The following MUC13 variants were observed in gnomAD, a reference collection of about 807,000 sequenced individuals.
MUC13 encodes the protein mucin-13.
In MUC13, 32 loss-of-function variants were observed where a neutral mutation model predicts 48.3. That is an observed-to-expected ratio of 0.66 (90% CI 0.50 to 0.89). MUC13 has a LOEUF of 0.89. Ranked by LOEUF, MUC13 falls within the 40% of genes least tolerant of loss-of-function variation. The probability of loss-of-function intolerance (pLI) is 0.00; values close to 1 mark genes in which losing one functional copy is unlikely to be tolerated. For missense variants in MUC13, 571 were observed against 622.8 expected (o/e 0.92, Z 0.88); for synonymous variants, 199 against 224.9 (o/e 0.88, Z 1.03).
chr3:124,929,022 T>C (rs758702819), intron 1 of MUC13, among the ~76,000 whole-genome samples: 3 of 152,196 alleles, frequency 2.0e-5, no homozygotes, highest in South Asian at 4.1e-4. Flanking sequence ...CAATTCTAGA[T>C]ACATTGACTA....
intron 6 of MUC13, among the ~76,000 whole-genome samples, chr3:124,914,844 T>C (rs184729335): frequency 7.3e-4 from 111 of 152,300 alleles, no homozygotes; most frequent in African/African-American, 2.3e-3. Flanking sequence ...GAGAATCGCT[T>C]GAACCCGGGA....
chr3:124,916,222 C>G, intron 6 of MUC13, 95 bp downstream of exon 6: 1 of 886,950 alleles, frequency 1.1e-6, no homozygotes, highest in East Asian at 2.5e-5. Context: ...TTCAATGATG[C>G]AGTTCTTGTC....
chr3:124,907,358 G>A (rs1053917818), intron 11 of MUC13, among the ~76,000 whole-genome samples: 3 of 152,160 alleles, frequency 2.0e-5, no homozygotes, highest in African/African-American at 4.8e-5. Context: ...GCTCATGCCT[G>A]TAATCCCAGC....
chr3:124,909,080 G>A (rs1407425384), intron 10 of MUC13, among the ~76,000 whole-genome samples: 2 of 152,094 alleles, frequency 1.3e-5, no homozygotes, highest in African/African-American at 2.4e-5. Flanking sequence ...CTTGAACCTG[G>A]GAGGTGGAGG....
chr3:124,917,364 T>TA (rs1387124028), intron 5 of MUC13, among the ~76,000 whole-genome samples: 6 of 151,756 alleles, frequency 4.0e-5, no homozygotes, highest in Admixed American at 3.9e-4. Flanking sequence ...TTTTTTTTTT[T>TA]TGAGACAGGG....
At chr3:124,916,624 G>A in intron 5 of MUC13, 144 bp from the exon 6 acceptor site, 1 of 803,432 alleles carries the variant, frequency 1.2e-6, no homozygotes, top group South Asian at 1.6e-5. Flanking sequence ...ATGGAGGCCG[G>A]GGGCTGCAAA....
At chr3:124,929,170 CTTTTA>C (rs1336749011) in intron 1 of MUC13, among the ~76,000 whole-genome samples, 6 of 134,496 alleles carry the variant, frequency 4.5e-5, no homozygotes, top group East Asian at 2.1e-4. Context: ...TTCCCCCACT[CTTTTA>C]TTTTATTTTT....
At chr3:124,910,243 G>T (rs528109903) in intron 10 of MUC13, among the ~76,000 whole-genome samples, 172 bp downstream of exon 10, 105 of 152,224 alleles carry the variant, frequency 6.9e-4, no homozygotes, top group African/African-American at 2.3e-3. Flanking sequence ...CGCAGGAAAA[G>T]GCCACTTCTG....
intron 10 of MUC13, among the ~76,000 whole-genome samples, chr3:124,910,169 C>G (rs543704730): frequency 1.6e-4 from 24 of 152,270 alleles, no homozygotes; most frequent in Non-Finnish European, 3.1e-4. Context: ...TATCTCCCTT[C>G]TCTTGCCCAG....
At chr3:124,923,195 T>C (rs1205395496) in intron 3 of MUC13, among the ~76,000 whole-genome samples, 1 of 152,052 alleles carries the variant, frequency 6.6e-6, no homozygotes, top group African/African-American at 2.4e-5. Flanking sequence ...CACAAGTGTA[T>C]AAATGTACTC....
intron 9 of MUC13, among the ~76,000 whole-genome samples, chr3:124,911,694 G>A (rs543763159): frequency 2.6e-5 from 4 of 152,286 alleles, no homozygotes; most frequent in East Asian, 3.9e-4. Context: ...GAGACAAAAG[G>A]ATTTGAGTAT....
intron 1 of MUC13, among the ~76,000 whole-genome samples, chr3:124,931,692 G>A (rs1174822912): frequency 2.0e-5 from 3 of 151,172 alleles, no homozygotes; most frequent in African/African-American, 7.3e-5. Flanking sequence ...AGGTTGCAGT[G>A]AGCTGAGATA....
rs1371800348 is a variant in MUC13, at chr3:124,906,460, A to G, written c.*283T>C. 6.6e-6 allele frequency: 1 copy of G among 152,168 alleles called. No individual in the cohort carries two copies. Among genetic ancestry groups the G allele is most frequent in the Non-Finnish European group, 1.5e-5 (1 of 68,020 alleles). The allele number at this position is 152,168 out of a possible 1,614,324, so 9.4% of individuals were successfully genotyped here. ...AAGAATTAAGAAAACAACCCTAACC[A>G]TTGTCTCAGTACTTTGTACTGATTG... On this transcript the variant is annotated 3_prime_UTR_variant, in exon 12 of 12. Coordinates refer to ENST00000616727, the MANE Select transcript of MUC13 (RefSeq NM_033049.4).
Position 124,912,179 on chromosome 3 carries a change from G to A in MUC13, c.1215-38C>T. 4 of 1,607,318 alleles carry A rather than the reference G, an allele frequency of 2.5e-6. No homozygotes were observed. In the South Asian group the frequency reaches 3.3e-5, roughly 13 times the overall value. ...GAGCAATAGGAAACAGTGTTAAAGAGCCCCTGTGGGGAGCATGTCAGAGTT... is the reference window on the plus strand; with the variant it reads ...GAGCAATAGGAAACAGTGTTAAAGAACCCCTGTGGGGAGCATGTCAGAGTT... On this transcript the variant is annotated intron_variant, in intron 8 of 11. Coordinates refer to ENST00000616727, the MANE Select transcript of MUC13 (RefSeq NM_033049.4).
rs776206683 is a variant in MUC13, at chr3:124,910,536, A to G, written c.1253-37T>C. 4 of 1,612,246 alleles carry G rather than the reference A, an allele frequency of 2.5e-6. No individual in the cohort carries two copies. The African/African-American group carries it at 4.0e-5, about 16-fold the overall frequency. ...AAGAAAATAAGAACAGTCTCCAACA[A>G]GCTGGCCCCCAACTGTCTACTGCAC... On this transcript the variant is annotated intron_variant, in intron 9 of 11. Transcript: ENST00000616727.
chr3:124,912,610 T>C (rs1463660394), intron 8 of MUC13, among the ~76,000 whole-genome samples: 1 of 152,214 alleles, frequency 6.6e-6, no homozygotes, highest in African/African-American at 2.4e-5. Context: ...AGGTATTACC[T>C]AGTGTGTTTC....
Position 124,922,180 on chromosome 3 carries a change from A to C in MUC13, c.744+17T>G, listed in dbSNP as rs747624199. 68 of 1,613,534 alleles carry C rather than the reference A, an allele frequency of 4.2e-5. No individual in the cohort carries two copies. The highest frequency in any genetic ancestry group is 5.5e-5 in the Non-Finnish European group (65 of 1,179,830). On this transcript the variant is annotated intron_variant, in intron 4 of 11. Transcript: ENST00000616727. ...ACAAAGAATGCTTTACAGAAAGGAAAGTTGGAAAATACTTACCAAGCTAGT... is the reference window on the plus strand; with the variant it reads ...ACAAAGAATGCTTTACAGAAAGGAACGTTGGAAAATACTTACCAAGCTAGT...
At chr3:124,931,116 C>A (rs763891457) in intron 1 of MUC13, among the ~76,000 whole-genome samples, 1 of 152,100 alleles carries the variant, frequency 6.6e-6, no homozygotes, top group African/African-American at 2.4e-5. Flanking sequence ...AAATCCTTAA[C>A]GTTACATTAA....
At chr3:124,928,557 T>C (rs994397236) in intron 1 of MUC13, among the ~76,000 whole-genome samples, 2 of 152,024 alleles carry the variant, frequency 1.3e-5, no homozygotes, top group Admixed American at 6.6e-5. Flanking sequence ...TTTTTTTGTG[T>C]GTTTTAGAGA....
Sources: allele counts gnomAD v4.1 joint callset (sites outside exome capture counted in the v4.1 genomes callset), GRCh38; gene constraint gnomAD v4.1.1; transcripts MANE v1.5; gene names NCBI Gene and HGNC (gene_info 2026-07-23, HGNC 2026-07-21).